The following VRK2 variants were observed in gnomAD, a reference collection of about 807,000 sequenced individuals.
VRK2 encodes the protein VRK serine/threonine kinase 2.
A neutral mutation model predicts 57.6 loss-of-function variants in VRK2; 60 were observed. The ratio of observed to expected loss-of-function variants is 1.04; its 90% CI spans 0.85 to 1.29. The LOEUF is 1.29. Ranked by LOEUF, VRK2 falls within the 50% of genes most tolerant of loss-of-function variation. VRK2 has a pLI of 0.00. For missense variants in VRK2, 705 were observed against 588.1 expected, an observed-to-expected ratio of 1.20 and a Z score of -2.06; for synonymous variants, 231 against 199.2, an observed-to-expected ratio of 1.16 and a Z score of -1.35.
intron 12 of VRK2, chr2:58,154,675 A>C: frequency 1.4e-6 from 1 of 711,314 alleles, no homozygotes; most frequent in South Asian, 1.5e-5. Flanking sequence ...GGGTCTTTAA[A>C]TTTTAAAGCA....
intron 8 of VRK2, among the ~76,000 whole-genome samples, chr2:58,126,057 C>T (rs920924622): frequency 6.6e-5 from 10 of 151,740 alleles, no homozygotes; most frequent in Admixed American, 6.6e-4. Context: ...TCAGTACAGC[C>T]ACTATGTAAT....
chr2:57,943,300 T>C (rs1419216779), intron 1 of VRK2, among the ~76,000 whole-genome samples: 2 of 152,226 alleles, frequency 1.3e-5, no homozygotes, highest in Non-Finnish European at 2.9e-5. Context: ...CAATTGAACT[T>C]CATTACTTGC....
chr2:58,150,397 G>C (rs879803671), intron 12 of VRK2, among the ~76,000 whole-genome samples: 3 of 151,188 alleles, frequency 2.0e-5, no homozygotes, highest in South Asian at 2.1e-4. Flanking sequence ...CACTAAGTTA[G>C]GATATTCTTT....
intron 12 of VRK2, among the ~76,000 whole-genome samples, chr2:58,157,934 G>T (rs1684214742): frequency 6.6e-6 from 1 of 152,142 alleles, no homozygotes; most frequent in Admixed American, 6.5e-5. Context: ...CCAAATTTTG[G>T]CAACTCCTGT....
intron 8 of VRK2, among the ~76,000 whole-genome samples, chr2:58,129,435 C>T (rs374087997): frequency 7.0e-4 from 106 of 151,978 alleles, no homozygotes; most frequent in African/African-American, 2.1e-3. Context: ...CATTCCTAGT[C>T]CAGAGCTCTA....
chr2:58,143,344 T>TTA (rs1384121358), intron 11 of VRK2, among the ~76,000 whole-genome samples: 2 of 151,980 alleles, frequency 1.3e-5, no homozygotes, highest in East Asian at 1.9e-4. Context: ...TATCCTTCTA[T>TTA]TATAAGGGAT....
chr2:57,934,674 C>A (rs969519279), intron 1 of VRK2, among the ~76,000 whole-genome samples: 1 of 152,162 alleles, frequency 6.6e-6, no homozygotes, highest in African/African-American at 2.4e-5. Context: ...TTCTTTCTTT[C>A]TCTTTTCTAC....
intron 3 of VRK2, among the ~76,000 whole-genome samples, chr2:58,037,903 C>G (rs1172838272): frequency 6.6e-6 from 1 of 151,990 alleles, no homozygotes; most frequent in Non-Finnish European, 1.5e-5. Flanking sequence ...TAAAACAACA[C>G]AATAATTTGC....
intron 1 of VRK2, among the ~76,000 whole-genome samples, chr2:57,926,117 A>C (rs1419745076): frequency 6.6e-6 from 1 of 150,950 alleles, no homozygotes; most frequent in African/African-American, 2.4e-5. Flanking sequence ...TCTTTTTTTT[A>C]TTTTTTAAGA....
intron 7 of VRK2, among the ~76,000 whole-genome samples, chr2:58,116,284 A>G (rs535351954): frequency 4.0e-4 from 61 of 150,754 alleles, no homozygotes; most frequent in South Asian, 1.3e-3. Flanking sequence ...GGGAATACAA[A>G]AGGAGGACGC....
At chr2:57,911,118 C>G (rs891438835) in intron 1 of VRK2, among the ~76,000 whole-genome samples, 1 of 151,476 alleles carries the variant, frequency 6.6e-6, no homozygotes. Flanking sequence ...GTTTCCTCAT[C>G]GGCAAAATAT....
intron 12 of VRK2, among the ~76,000 whole-genome samples, chr2:58,151,124 A>G (rs1461865351): frequency 6.6e-6 from 1 of 151,616 alleles, no homozygotes; most frequent in Non-Finnish European, 1.5e-5. Flanking sequence ...TTATATATTC[A>G]CTGTTTTATT....
At chr2:57,912,976 C>G (rs1286162096) in intron 1 of VRK2, among the ~76,000 whole-genome samples, 2 of 152,182 alleles carry the variant, frequency 1.3e-5, no homozygotes, top group Non-Finnish European at 2.9e-5. Flanking sequence ...GAGGACACAG[C>G]AAGAAGACAA....
At chr2:58,124,318 A>T (rs115282834) in intron 8 of VRK2, among the ~76,000 whole-genome samples, 61 of 152,344 alleles carry the variant, frequency 4.0e-4, no homozygotes, top group Non-Finnish European at 7.5e-4. Context: ...CTTTGTTCAC[A>T]ATCAATATGG....
chr2:58,112,917 A>G (rs545189604), intron 7 of VRK2, among the ~76,000 whole-genome samples: 14 of 152,314 alleles, frequency 9.2e-5, no homozygotes, highest in African/African-American at 3.4e-4. Flanking sequence ...TCAGAAGAAT[A>G]AAAGCCTGTC....
intron 1 of VRK2, among the ~76,000 whole-genome samples, chr2:57,920,949 T>C (rs1670322114): frequency 6.6e-6 from 1 of 152,098 alleles, no homozygotes; most frequent in Non-Finnish European, 1.5e-5. Context: ...AGATTCTAGA[T>C]GTTATTTCAT....
chr2:57,986,075 A>T (rs1005347997), intron 1 of VRK2, among the ~76,000 whole-genome samples: 14 of 152,138 alleles, frequency 9.2e-5, no homozygotes, highest in African/African-American at 3.4e-4. Context: ...ATACACCTTG[A>T]AGCATAAAGC....
intron 1 of VRK2, among the ~76,000 whole-genome samples, chr2:58,010,589 T>C (rs10187411): frequency 0.065 from 9,878 of 152,200 alleles, 1,077 homozygotes; most frequent in African/African-American, 0.23. Context: ...GGTTGGAATA[T>C]AGGTCTCCAT....
intron 1 of VRK2, among the ~76,000 whole-genome samples, chr2:58,016,759 G>A (rs931497636): frequency 1.3e-5 from 2 of 152,158 alleles, no homozygotes; most frequent in Non-Finnish European, 2.9e-5. Flanking sequence ...GACTCTCGTG[G>A]AGAATATGAA....
Sources: allele counts gnomAD v4.1 joint callset (sites outside exome capture counted in the v4.1 genomes callset), GRCh38; gene constraint gnomAD v4.1.1; transcripts MANE v1.5; gene names NCBI Gene and HGNC (gene_info 2026-07-23, HGNC 2026-07-21).